The following LRPPRC variants were observed in gnomAD, a reference collection of about 807,000 sequenced individuals.
The protein encoded by LRPPRC is leucine-rich PPR motif-containing protein, mitochondrial.
Under a neutral mutation model 180.3 loss-of-function variants are expected in LRPPRC, and 120 were observed. That is an observed-to-expected ratio of 0.67 (90% CI 0.57 to 0.77). The LOEUF is 0.77. LRPPRC is among the 30% of genes least tolerant of loss of function. The pLI, the probability that LRPPRC is intolerant of heterozygous loss-of-function variation, is 0.00. For missense variants in LRPPRC, 2,012 were observed against 1,657.2 expected (o/e 1.21, Z -3.72); for synonymous variants, 723 against 600.0 (o/e 1.21, Z -3.00).
intron 27 of LRPPRC, among the ~76,000 whole-genome samples, chr2:43,922,733 A>C (rs2105035551): frequency 6.6e-6 from 1 of 152,304 alleles, no homozygotes; most frequent in Non-Finnish European, 1.5e-5. Flanking sequence ...TGGGCAACAC[A>C]GCAAGACCCA....
At chr2:43,909,470 G>T (rs1198172125) in intron 30 of LRPPRC, among the ~76,000 whole-genome samples, 2 of 152,092 alleles carry the variant, frequency 1.3e-5, no homozygotes. Context: ...AATGGTTAAA[G>T]TACAGAGTTT....
intron 5 of LRPPRC, 29 bp from the exon 6 acceptor site, chr2:43,976,258 G>A (rs370507538): frequency 1.6e-6 from 2 of 1,240,374 alleles, no homozygotes; most frequent in Non-Finnish European, 2.4e-6. Flanking sequence ...GATACTCATT[G>A]AAAGTATTTA....
At chr2:43,890,564 T>A (rs980494625) in intron 36 of LRPPRC, among the ~76,000 whole-genome samples, 1 of 152,030 alleles carries the variant, frequency 6.6e-6, no homozygotes, top group African/African-American at 2.4e-5. Context: ...ATACAAAAAA[T>A]TAGCCGGGCG....
intron 11 of LRPPRC, among the ~76,000 whole-genome samples, chr2:43,973,297 A>T (rs1673897718): frequency 6.6e-6 from 1 of 152,212 alleles, no homozygotes. Context: ...CTGATTTCAA[A>T]CACTATATAT....
Position 43,982,356 on chromosome 2 carries a change from A to G in LRPPRC, c.228T>C (p.Ser76=). The G allele has an allele frequency of 6.2e-7, 1 of 1,613,900 alleles. No individual in the cohort carries two copies. Among genetic ancestry groups the G allele is most frequent in the Admixed American group, 1.7e-5 (1 of 60,018 alleles). Residue 76 remains serine (S), a synonymous_variant, in exon 2 of 38, where the codon TCT becomes TCC. Transcript: ENST00000260665. ...KDIQEESTFS[S]RKISNQFDWA... ...AATCAAACTGATTGGAAATCTTCCT[A>G]GAAGAAAAAGTGGACTCCTCTTGAA...
chr2:43,903,419 G>A (rs1670957082), intron 31 of LRPPRC: 1 of 152,148 alleles, frequency 6.6e-6, no homozygotes, highest in Non-Finnish European at 1.5e-5. Flanking sequence ...AAACCTAAAA[G>A]AAAGGCAGAA....
chr2:43,974,704 G>T lies in LRPPRC; in HGVS notation c.919C>A (p.Gln307Lys), dbSNP rs770835490. The T allele has an allele frequency of 1.9e-6, 3 of 1,612,924 alleles. No individual in the cohort carries two copies. The highest frequency in any genetic ancestry group is 2.5e-6 in the Non-Finnish European group (3 of 1,179,062). Residue 307 changes from glutamine to lysine, a missense_variant, in exon 8 of 38, where the codon CAA becomes AAA. Transcript: ENST00000260665. The stretch of plus-strand genomic sequence containing the variant: ...GCTTTACTGAAGCTAAAAATAATTT[G>T]CAGTAAATCACGGTCCATAAGGTGA... ...ELHLMDRDLL[Q>K]IIFSFSKAGY... is the part of the protein sequence containing the mutation.
intron 31 of LRPPRC, 150 bp from the exon 32 acceptor site, chr2:43,901,674 C>A (rs1670891772): frequency 3.1e-6 from 2 of 642,010 alleles, no homozygotes; most frequent in Non-Finnish European, 2.8e-6. Context: ...ATTATTAATA[C>A]TTCATGAGAT....
chr2:43,910,062 G>C (rs906889793), intron 30 of LRPPRC, among the ~76,000 whole-genome samples: 1 of 152,096 alleles, frequency 6.6e-6, no homozygotes, highest in African/African-American at 2.4e-5. Flanking sequence ...CTTTGAAATA[G>C]TCTATACTAT....
intron 1 of LRPPRC, among the ~76,000 whole-genome samples, chr2:43,993,151 A>C (rs1486196485): frequency 6.6e-6 from 1 of 152,210 alleles, no homozygotes; most frequent in Non-Finnish European, 1.5e-5. Context: ...TGCCAGGTCA[A>C]GGCCTAAAAA....
intron 2 of LRPPRC, 21 bp from the exon 3 acceptor site, chr2:43,979,969 GA>G (rs1476505495): frequency 6.2e-7 from 1 of 1,610,470 alleles, no homozygotes; most frequent in African/African-American, 1.3e-5. Flanking sequence ...AAGGTTAATG[GA>G]TAACATTTAA....
chr2:43,949,391 C>T (rs1046099708), intron 16 of LRPPRC, among the ~76,000 whole-genome samples: 1 of 152,094 alleles, frequency 6.6e-6, no homozygotes, highest in East Asian at 1.9e-4. Flanking sequence ...AAAGAAAAAG[C>T]CTCCCAACCC....
intron 3 of LRPPRC, among the ~76,000 whole-genome samples, chr2:43,978,483 T>G (rs1012198260): frequency 6.6e-6 from 1 of 152,162 alleles, no homozygotes; most frequent in Non-Finnish European, 1.5e-5. Context: ...TTATTACTGC[T>G]GTGTAATGCT....
chr2:43,914,686 G>A (rs1433389944), intron 29 of LRPPRC, among the ~76,000 whole-genome samples: 4 of 151,660 alleles, frequency 2.6e-5, no homozygotes, highest in Admixed American at 6.6e-5. Flanking sequence ...TAAGATTTGC[G>A]CCACCGCACT....
chr2:43,942,637 T>G (rs533956121), intron 23 of LRPPRC, among the ~76,000 whole-genome samples: 1 of 152,218 alleles, frequency 6.6e-6, no homozygotes, highest in South Asian at 2.1e-4. Context: ...TTTATTATAT[T>G]CAATTAATTA....
chr2:43,993,472 A>C (rs1301344340), intron 1 of LRPPRC, among the ~76,000 whole-genome samples: 1 of 152,210 alleles, frequency 6.6e-6, no homozygotes, highest in Middle Eastern at 3.2e-3. Context: ...AAGTGAATGA[A>C]AAGTGATGAA....
intron 30 of LRPPRC, among the ~76,000 whole-genome samples, 169 bp from the exon 31 acceptor site, chr2:43,905,949 A>G (rs1671054158): frequency 6.6e-6 from 1 of 152,212 alleles, no homozygotes. Flanking sequence ...ATGGTTATAG[A>G]AGGATAATTT....
rs1671045296 is a variant in LRPPRC at position 43,905,715 on chromosome 2, T to G, written c.3341A>C (p.Gln1114Pro). Residue 1114 changes from glutamine to proline, a missense_variant, in exon 31 of 38, where the codon CAA becomes CCA. Transcript: ENST00000260665. Reference sequence around the variant, plus strand: ...ACCTTTCAAATAATCCCGCCTAACTTGCGTTATGATGAGGCGGCTGTTGGC... The same window carrying G: ...ACCTTTCAAATAATCCCGCCTAACTGGCGTTATGATGAGGCGGCTGTTGGC... ...DAANSRLIIT[Q>P]VRRDYLKEAV... The G allele has an allele frequency of 6.2e-7, 1 of 1,613,672 alleles. No homozygotes were observed.
chr2:43,918,548 A>G, intron 27 of LRPPRC, 150 bp from the exon 28 acceptor site: 1 of 666,642 alleles, frequency 1.5e-6, no homozygotes, highest in East Asian at 2.7e-5. Context: ...CCGTGACCCG[A>G]AGTCGAGAAG....
Sources: allele counts gnomAD v4.1 joint callset (sites outside exome capture counted in the v4.1 genomes callset), GRCh38; gene constraint gnomAD v4.1.1; transcripts MANE v1.5; gene names NCBI Gene and HGNC (gene_info 2026-07-23, HGNC 2026-07-21).